OSBPL10: variants seen among roughly 807,000 people sequenced by gnomAD.
The protein encoded by OSBPL10 is oxysterol binding protein like 10.
Under a neutral mutation model 81.7 loss-of-function variants are expected in OSBPL10, and 49 were observed. That is an observed-to-expected ratio of 0.60 (90% CI 0.48 to 0.76). The LOEUF is 0.76. Ranked by LOEUF, OSBPL10 falls within the 30% of genes least tolerant of loss-of-function variation. The pLI is 0.00. For synonymous variants in OSBPL10, 419 were observed against 383.6 expected, an observed-to-expected ratio of 1.09 and a Z score of -1.08; for missense variants, 923 against 987.8, an observed-to-expected ratio of 0.93 and a Z score of 0.88.
chr3:32,020,854 A>G (rs969184575), intron 2 of OSBPL10, among the ~76,000 whole-genome samples: 1 of 152,246 alleles, frequency 6.6e-6, no homozygotes, highest in Non-Finnish European at 1.5e-5. Flanking sequence ...TAGGACTGCC[A>G]TAATGAAATA....
chr3:31,713,115 A>G (rs923804204), intron 6 of OSBPL10, among the ~76,000 whole-genome samples: 11 of 152,196 alleles, frequency 7.2e-5, no homozygotes, highest in Non-Finnish European at 1.3e-4. Context: ...AGTTCATCAC[A>G]TAACTCCTAA....
intron 1 of OSBPL10, among the ~76,000 whole-genome samples, chr3:32,072,199 C>G (rs1048026851): frequency 1.3e-5 from 2 of 152,188 alleles, no homozygotes; most frequent in Non-Finnish European, 1.5e-5. Context: ...ACACAAAGGT[C>G]CTCCATCGTC....
chr3:31,872,592 A>G (rs1177767214), intron 3 of OSBPL10, among the ~76,000 whole-genome samples: 1 of 151,554 alleles, frequency 6.6e-6, no homozygotes, highest in Non-Finnish European at 1.5e-5. Context: ...AACTACTGAT[A>G]CACACAACAG....
chr3:31,996,542 A>G (rs1370786604), intron 2 of OSBPL10, among the ~76,000 whole-genome samples: 1 of 152,170 alleles, frequency 6.6e-6, no homozygotes, highest in Non-Finnish European at 1.5e-5. Flanking sequence ...TTATCTTCAG[A>G]TTTAAGAATT....
intron 4 of OSBPL10, among the ~76,000 whole-genome samples, chr3:31,799,312 C>T (rs77481783): frequency 2.1e-4 from 28 of 132,474 alleles, no homozygotes; most frequent in South Asian, 5.0e-4. Context: ...GAAGCCAGGG[C>T]GAGAGGATCA....
In OSBPL10 at chr3:31,761,813, T is replaced by TAAAAAAAAAAAAA. The variant is rs34579457; in HGVS notation, c.730-13706_730-13694dup. 9.7e-4 allele frequency among the ~76,000 whole-genome samples: 104 copies of TAAAAAAAAAAAAA among 107,482 alleles called. 5 individuals carry two copies. The highest frequency in any genetic ancestry group is 6.1e-3 in the African/African-American group (96 of 15,658). The allele number at this position is 107,482 out of a possible 152,430, so 70.5% of individuals were successfully genotyped here. ...CTGGGCAACAGAGCAAGACTGTCTC[T>TAAAAAAAAAAAAA]AAAAAAAAAAAAAAAAAACCCTAAA... On this transcript the variant is annotated intron_variant, in intron 4 of 11. Transcript: ENST00000396556.
intron 4 of OSBPL10, among the ~76,000 whole-genome samples, chr3:31,774,615 C>T (rs1444806249): frequency 6.6e-6 from 1 of 151,898 alleles, no homozygotes; most frequent in Non-Finnish European, 1.5e-5. Flanking sequence ...CAGGTTCAAG[C>T]GATTCTCCTG....
chr3:31,953,936 G>C (rs1357141232), intron 1 of OSBPL10, among the ~76,000 whole-genome samples: 1 of 152,184 alleles, frequency 6.6e-6, no homozygotes, highest in African/African-American at 2.4e-5. Context: ...TTCCATCAGA[G>C]AGTTCAGCAG....
At chr3:32,062,899 A>G (rs12490002) in intron 1 of OSBPL10, among the ~76,000 whole-genome samples, 23,904 of 93,958 alleles carry the variant, frequency 0.25, 9,170 homozygotes, top group East Asian at 0.84. Flanking sequence ...AAGATAATCA[A>G]TCCTTTAAAA....
intron 7 of OSBPL10, among the ~76,000 whole-genome samples, chr3:31,692,767 CCCA>C (rs1695593488): frequency 6.6e-6 from 1 of 152,182 alleles, no homozygotes; most frequent in Admixed American, 6.5e-5. Context: ...GAGGAAACTG[CCCA>C]GAGAGGTTTT....
chr3:31,802,955 AT>A (rs1378777367), intron 4 of OSBPL10, among the ~76,000 whole-genome samples: 1 of 142,668 alleles, frequency 7.0e-6, no homozygotes, highest in Non-Finnish European at 1.5e-5. Flanking sequence ...TATTTAGACA[AT>A]GGTATTGGGT....
chr3:31,926,319 A>G (rs1352088659), intron 1 of OSBPL10, among the ~76,000 whole-genome samples: 1 of 134,136 alleles, frequency 7.5e-6, no homozygotes, highest in Admixed American at 8.0e-5. Flanking sequence ...CAATGTCTGG[A>G]AAGATTTTTT....
At chr3:31,860,780 A>T (rs534018199) in intron 3 of OSBPL10, among the ~76,000 whole-genome samples, 1 of 151,428 alleles carries the variant, frequency 6.6e-6, no homozygotes, top group Non-Finnish European at 1.5e-5. Context: ...GGTTCAAGCA[A>T]TTCTCCTGCC....
chr3:31,751,315 C>A (rs1421579940), intron 4 of OSBPL10, among the ~76,000 whole-genome samples: 1 of 151,992 alleles, frequency 6.6e-6, no homozygotes, highest in Non-Finnish European at 1.5e-5. Flanking sequence ...CCGCTACACT[C>A]CAGTCTGGGC....
At chr3:31,986,977 A>G (rs542883447) in intron 2 of OSBPL10, among the ~76,000 whole-genome samples, 1 of 152,328 alleles carries the variant, frequency 6.6e-6, no homozygotes, top group South Asian at 2.1e-4. Flanking sequence ...ACTGTACTCC[A>G]GCCTGAGTGA....
chr3:31,812,293 A>T (rs1699700783), intron 4 of OSBPL10, among the ~76,000 whole-genome samples: 1 of 152,192 alleles, frequency 6.6e-6, no homozygotes, highest in African/African-American at 2.4e-5. Context: ...CAGCCTCCTG[A>T]AGTGCTGGGA....
rs1697583441 is a variant in OSBPL10 at position 31,748,001 on chromosome 3, A to G, written c.849T>C (p.Ala283=). 1 of 1,614,188 alleles carries G rather than the reference A, an allele frequency of 6.2e-7. No individual in the cohort carries two copies. The highest frequency in any genetic ancestry group is 8.5e-7 in the Non-Finnish European group (1 of 1,180,026). The part of the protein sequence containing the change: ...QDLLLLKATS[A]ATLSCLGECL... ...ACTCCCCAAGGCAGCTGAGGGTGGC[A>G]GCAGAGGTAGCTTTCAGGAGCAGCA... Residue 283 remains alanine, a synonymous_variant, in exon 5 of 12, where the codon GCT becomes GCC. Coordinates refer to ENST00000396556, the MANE Select transcript of OSBPL10 (RefSeq NM_017784.5).
intron 1 of OSBPL10, 102 bp from the exon 2 acceptor site, chr3:31,879,932 A>G: frequency 8.0e-7 from 1 of 1,243,728 alleles, no homozygotes; most frequent in African/African-American, 1.5e-5. Context: ...TCAAGACTCC[A>G]CATCCATGAA....
At chr3:31,880,142 G>A (rs1334782432) in intron 1 of OSBPL10, among the ~76,000 whole-genome samples, 1 of 152,196 alleles carries the variant, frequency 6.6e-6, no homozygotes, top group Non-Finnish European at 1.5e-5. Context: ...ACAGAGACTG[G>A]CAGAAGCATT....
Sources: gnomAD v4.1 joint callset for allele counts (sites outside exome capture counted in the v4.1 genomes callset) on GRCh38, gnomAD v4.1.1 for gene constraint, MANE v1.5 for transcripts, NCBI Gene and HGNC (gene_info 2026-07-23, HGNC 2026-07-21) for gene names.